The following DENND1B variants were observed in gnomAD, a reference collection of about 807,000 sequenced individuals.
DENND1B encodes the protein DENN domain-containing protein 1B.
Under a neutral mutation model 90.1 loss-of-function variants are expected in DENND1B, and 59 were observed. The observed-to-expected ratio is 0.65, with a 90% CI of 0.53 to 0.81. The LOEUF (loss-of-function observed/expected upper bound fraction) is 0.81, where lower values mean the gene tolerates loss of function less well. Among genes scored for constraint, DENND1B ranks in the 40% least tolerant of loss-of-function variants. DENND1B has a pLI of 0.00. For missense variants in DENND1B, 862 were observed against 912.6 expected (o/e 0.94, Z 0.71); for synonymous variants, 337 against 324.6 (o/e 1.04, Z -0.41).
intron 19 of DENND1B, 29 bp downstream of exon 19, chr1:197,540,930 T>G (rs780642795): frequency 6.3e-7 from 1 of 1,594,466 alleles, no homozygotes; most frequent in Admixed American, 1.7e-5. Flanking sequence ...AGAATCAAGG[T>G]AAAATGGAAA....
At chr1:197,637,335 G>A (rs1276068846) in intron 10 of DENND1B, among the ~76,000 whole-genome samples, 2 of 152,132 alleles carry the variant, frequency 1.3e-5, no homozygotes, top group South Asian at 2.1e-4. Context: ...GGAATGACAA[G>A]TTAATAACAA....
intron 3 of DENND1B, among the ~76,000 whole-genome samples, chr1:197,714,757 T>G (rs1660475248): frequency 6.6e-6 from 1 of 152,238 alleles, no homozygotes; most frequent in South Asian, 2.1e-4. Context: ...AGTCTATAGA[T>G]AAATTAAACA....
intron 20 of DENND1B, among the ~76,000 whole-genome samples, chr1:197,528,955 G>A (rs908443724): frequency 6.6e-6 from 1 of 151,464 alleles, no homozygotes; most frequent in African/African-American, 2.4e-5. Flanking sequence ...TAAAATAAAC[G>A]TCCACCAGTT....
chr1:197,520,273 A>C (rs1668681118), intron 20 of DENND1B, among the ~76,000 whole-genome samples: 1 of 151,990 alleles, frequency 6.6e-6, no homozygotes, highest in Non-Finnish European at 1.5e-5. Flanking sequence ...TAAATGAAAA[A>C]GATGTTCCCT....
At chr1:197,747,375 T>A in intron 2 of DENND1B, 2 of 502,180 alleles carry the variant, frequency 4.0e-6, no homozygotes, top group Non-Finnish European at 3.7e-6. Context: ...TCCAGAGTTC[T>A]GCAATGTAGC....
chr1:197,647,947 C>CA (rs5779884), intron 7 of DENND1B, among the ~76,000 whole-genome samples: 1,237 of 78,434 alleles, frequency 0.016, 15 homozygotes, highest in African/African-American at 0.041. Flanking sequence ...AACTCCACTT[C>CA]AAAAAAAAAA....
intron 3 of DENND1B, among the ~76,000 whole-genome samples, chr1:197,709,875 T>C (rs1659936910): frequency 7.1e-6 from 1 of 140,280 alleles, no homozygotes; most frequent in South Asian, 2.3e-4. Context: ...AATAAAAGGA[T>C]GGCGGAAGAT....
At chr1:197,734,265 A>G (rs1662425408) in intron 2 of DENND1B, 1 of 918,502 alleles carries the variant, frequency 1.1e-6, no homozygotes, top group African/African-American at 1.8e-5. Context: ...ACTATCTGTA[A>G]ATTTTTTAAC....
chr1:197,508,868 T>C lies in DENND1B; in HGVS notation c.*1592A>G, dbSNP rs927423320. The C allele has an allele frequency of 6.6e-6, 1 of 151,706 alleles. No homozygotes were observed. The highest frequency in any genetic ancestry group is 2.4e-5 in the African/African-American group (1 of 41,348). 9.4% of individuals were successfully genotyped at this position (151,706 alleles called of 1,614,324 possible). A position where few individuals can be genotyped will look rare whatever the true frequency, so the allele number is the denominator to read the frequency against. ...AGTACATGATTCCTTCTCAGATGAA[T>C]TCCAAAGCTCAACAGTGAATTTGAG... On this transcript the variant is annotated 3_prime_UTR_variant, in exon 23 of 23. Coordinates refer to ENST00000620048, the MANE Select transcript of DENND1B (RefSeq NM_001195215.2).
intron 2 of DENND1B, among the ~76,000 whole-genome samples, chr1:197,731,574 T>C (rs766843558): frequency 3.0e-4 from 45 of 152,204 alleles, no homozygotes; most frequent in Admixed American, 3.9e-4. Context: ...AAACTTCATA[T>C]AGACATGCCA....
chr1:197,674,119 C>T lies in DENND1B; in HGVS notation c.176+1G>A. Reference sequence around the variant, plus strand: ...TATTTTAAATGATACTTATACTGTACCTTTCAACGTCAAAGGGAAAACAGA... The same window carrying T: ...TATTTTAAATGATACTTATACTGTATCTTTCAACGTCAAAGGGAAAACAGA... On this transcript the variant is annotated splice_donor_variant, in intron 4 of 22. Coordinates refer to ENST00000620048, the MANE Select transcript of DENND1B (RefSeq NM_001195215.2). LOFTEE classifies it high-confidence loss of function. 1.3e-6 allele frequency: 2 copies of T among 1,591,788 alleles called. No individual in the cohort carries two copies. The highest frequency in any genetic ancestry group is 1.7e-6 in the Non-Finnish European group (2 of 1,163,932).
intron 13 of DENND1B, among the ~76,000 whole-genome samples, chr1:197,598,999 T>C (rs1675958222): frequency 6.6e-6 from 1 of 151,850 alleles, no homozygotes; most frequent in African/African-American, 2.4e-5. Context: ...CAGCCATCCA[T>C]GGGAAGAATT....
intron 18 of DENND1B, among the ~76,000 whole-genome samples, chr1:197,544,688 AAAG>A (rs1051127545): frequency 2.7e-5 from 4 of 148,186 alleles, no homozygotes; most frequent in African/African-American, 7.3e-5. Context: ...AAAGAAAAGG[AAAG>A]AAGAAGATGA....
chr1:197,572,601 C>A (rs888911627), intron 15 of DENND1B, among the ~76,000 whole-genome samples: 3 of 152,212 alleles, frequency 2.0e-5, no homozygotes, highest in African/African-American at 7.2e-5. Context: ...AATGGACAGA[C>A]TGCCTCCTCA....
At chr1:197,628,557 T>A (rs960412689) in intron 10 of DENND1B, among the ~76,000 whole-genome samples, 1 of 152,244 alleles carries the variant, frequency 6.6e-6, no homozygotes, top group South Asian at 2.1e-4. Context: ...ACGTTAGACC[T>A]AAAACCATAA....
chr1:197,707,771 G>A (rs1317880985), intron 3 of DENND1B, among the ~76,000 whole-genome samples: 1 of 148,858 alleles, frequency 6.7e-6, no homozygotes, highest in Non-Finnish European at 1.5e-5. Flanking sequence ...CTCCCAGCGT[G>A]AGCGACGCAG....
intron 10 of DENND1B, among the ~76,000 whole-genome samples, chr1:197,637,782 T>C (rs1679925082): frequency 6.6e-6 from 1 of 152,200 alleles, no homozygotes; most frequent in African/African-American, 2.4e-5. Context: ...AATCTTTCCC[T>C]GAGAGATGAT....
intron 20 of DENND1B, among the ~76,000 whole-genome samples, chr1:197,527,302 G>GTTT (rs1011998386): frequency 9.6e-6 from 1 of 104,184 alleles, no homozygotes; most frequent in Non-Finnish European, 2.2e-5. Flanking sequence ...TCACTTGAAG[G>GTTT]TTTTTTTTTG....
At chr1:197,650,087 C>A (rs1164705300) in intron 7 of DENND1B, among the ~76,000 whole-genome samples, 1 of 151,752 alleles carries the variant, frequency 6.6e-6, no homozygotes. Context: ...AAATGGCCAA[C>A]AAACATGAAA....
Sources: gnomAD v4.1 joint callset for allele counts (sites outside exome capture counted in the v4.1 genomes callset) on GRCh38, gnomAD v4.1.1 for gene constraint, MANE v1.5 for transcripts, NCBI Gene and HGNC (gene_info 2026-07-23, HGNC 2026-07-21) for gene names.